The following DNAAF11 variants were observed in gnomAD, a reference collection of about 807,000 sequenced individuals.
The protein encoded by DNAAF11 is dynein axonemal assembly factor 11.
Under a neutral mutation model 60.8 loss-of-function variants are expected in DNAAF11, and 45 were observed. The observed-to-expected ratio is 0.74, with a 90% confidence interval of 0.58 to 0.95. The LOEUF (loss-of-function observed/expected upper bound fraction) is 0.95, where lower values mean the gene tolerates loss of function less well. DNAAF11 is among the 40% of genes least tolerant of loss of function. The pLI is 0.00. For missense variants in DNAAF11, 546 were observed against 546.2 expected (o/e 1.00, Z 0.00); for synonymous variants, 191 against 183.5 (o/e 1.04, Z -0.33).
At chr8:132,665,492 A>G (rs1824543986) in intron 1 of DNAAF11, among the ~76,000 whole-genome samples, 1 of 152,194 alleles carries the variant, frequency 6.6e-6, no homozygotes, top group Non-Finnish European at 1.5e-5. Flanking sequence ...ACTTTAAAAA[A>G]AAAAGCTCCA....
At chr8:132,664,089 A>G (rs141193651) in intron 1 of DNAAF11, among the ~76,000 whole-genome samples, 80 of 152,384 alleles carry the variant, frequency 5.2e-4, no homozygotes, top group African/African-American at 1.8e-3. Flanking sequence ...GTAAGAAGAC[A>G]TATTTTATTT....
intron 5 of DNAAF11, among the ~76,000 whole-genome samples, chr8:132,630,124 G>T (rs1325248359): frequency 1.3e-5 from 2 of 152,124 alleles, no homozygotes; most frequent in Non-Finnish European, 2.9e-5. Flanking sequence ...GGATTTTTAA[G>T]GAATTTGATT....
chr8:132,625,326 C>T lies in DNAAF11; in HGVS notation c.782G>A (p.Arg261Lys). ...NKPCLFTPESRLETLRHMEKQ... is the reference protein window; with the variant it reads ...NKPCLFTPESKLETLRHMEKQ... ...TTCCATGTGTCTAAGAGTTTCCAAT[C>T]TTGATTCAGGAGTAAACAAACAGGG... The change falls in exon 6 of 12, where the codon AGA (arginine) becomes AAA (lysine). Residue 261 changes from arginine to lysine, a missense_variant. Coordinates refer to ENST00000620350, the MANE Select transcript of DNAAF11 (RefSeq NM_012472.6). 1 of 1,612,984 alleles carries T rather than the reference C, an allele frequency of 6.2e-7. No homozygotes were observed.
intron 7 of DNAAF11, among the ~76,000 whole-genome samples, chr8:132,622,162 G>A (rs950809997): frequency 6.6e-6 from 1 of 152,116 alleles, no homozygotes; most frequent in African/African-American, 2.4e-5. Flanking sequence ...TAAATTCATT[G>A]AGGGTATTAT....
the DNAAF11 span, among the ~76,000 whole-genome samples, chr8:132,692,366 A>G: frequency 1.3e-5 from 2 of 152,294 alleles, no homozygotes; most frequent in African/African-American, 2.4e-5. Flanking sequence ...TAGTCATTCA[A>G]TTCCCCTGCT....
intron 2 of DNAAF11, among the ~76,000 whole-genome samples, chr8:132,658,542 C>T (rs1315488886): frequency 6.6e-6 from 1 of 152,216 alleles, no homozygotes; most frequent in African/African-American, 2.4e-5. Context: ...AGGATGGTCT[C>T]GATCTCCTGA....
intron 10 of DNAAF11, among the ~76,000 whole-genome samples, chr8:132,585,872 T>C (rs1355643346): frequency 6.6e-6 from 1 of 152,220 alleles, no homozygotes; most frequent in Non-Finnish European, 1.5e-5. Context: ...TTTGGCAGGG[T>C]ATGAATGTCT....
At chr8:132,585,344 C>A (rs1454115245) in intron 10 of DNAAF11, among the ~76,000 whole-genome samples, 4 of 152,162 alleles carry the variant, frequency 2.6e-5, no homozygotes, top group Non-Finnish European at 5.9e-5. Flanking sequence ...TGATGCCATG[C>A]AGCTCCCTTT....
chr8:132,636,843 A>G (rs1485201372), intron 4 of DNAAF11, among the ~76,000 whole-genome samples: 1 of 152,232 alleles, frequency 6.6e-6, no homozygotes, highest in African/African-American at 2.4e-5. Flanking sequence ...GAGAAATTTT[A>G]CATTAGAAGA....
intron 10 of DNAAF11, among the ~76,000 whole-genome samples, chr8:132,609,176 C>T (rs1262670811): frequency 6.6e-6 from 1 of 151,924 alleles, no homozygotes; most frequent in Non-Finnish European, 1.5e-5. Context: ...TCCAGGACAT[C>T]CCTTGAACAC....
intron 3 of DNAAF11, among the ~76,000 whole-genome samples, chr8:132,640,010 C>T (rs1232219911): frequency 1.3e-5 from 2 of 152,156 alleles, no homozygotes; most frequent in African/African-American, 2.4e-5. Flanking sequence ...CTACCCTAAA[C>T]CTATATTCAT....
intron 10 of DNAAF11, among the ~76,000 whole-genome samples, chr8:132,603,466 T>TTAAATATGGAG (rs1221533103): frequency 6.6e-6 from 1 of 151,890 alleles, no homozygotes; most frequent in Non-Finnish European, 1.5e-5. Context: ...GAGCAAGGAT[T>TTAAATATGGAG]TAAATATGGA....
intron 7 of DNAAF11, among the ~76,000 whole-genome samples, chr8:132,616,045 T>C (rs1428880493): frequency 6.6e-6 from 1 of 152,076 alleles, no homozygotes; most frequent in Non-Finnish European, 1.5e-5. Context: ...TCAGGAGCCT[T>C]TTTATATGCT....
chr8:132,693,364 G>C, the DNAAF11 span, among the ~76,000 whole-genome samples: 2 of 152,160 alleles, frequency 1.3e-5, no homozygotes, highest in East Asian at 3.9e-4. Flanking sequence ...ATACATACAT[G>C]TGTATGTGCA....
chr8:132,672,464 G>T (rs923347954), intron 1 of DNAAF11, among the ~76,000 whole-genome samples: 2 of 152,114 alleles, frequency 1.3e-5, no homozygotes, highest in East Asian at 3.9e-4. Context: ...TCACCAAACT[G>T]TCTCTTACTC....
At chr8:132,661,271 A>C (rs1191577774) in intron 2 of DNAAF11, among the ~76,000 whole-genome samples, 189 bp downstream of exon 2, 1 of 152,118 alleles carries the variant, frequency 6.6e-6, no homozygotes, top group African/African-American at 2.4e-5. Context: ...TCCTTGCTGG[A>C]AATTGTTTTC....
chr8:132,674,166 AAGG>A (rs1341983717), intron 1 of DNAAF11, among the ~76,000 whole-genome samples: 13 of 44,328 alleles, frequency 2.9e-4, no homozygotes, highest in African/African-American at 5.6e-4. Flanking sequence ...GGAGAAGGAG[AAGG>A]AGGAGGAGGA....
intron 10 of DNAAF11, among the ~76,000 whole-genome samples, chr8:132,593,796 A>G (rs1011017736): frequency 6.6e-6 from 1 of 152,112 alleles, no homozygotes; most frequent in Non-Finnish European, 1.5e-5. Flanking sequence ...GAAGCAACTC[A>G]ATGGGAAAGT....
chr8:132,620,936 T>A lies in DNAAF11; in HGVS notation c.914+1675A>T, dbSNP rs568111331. Among the ~76,000 whole-genome samples, 6 of 152,298 alleles carry A rather than the reference T, an allele frequency of 3.9e-5. No homozygotes were observed. In the South Asian group the frequency reaches 1.2e-3, roughly 32 times the overall value. The stretch of plus-strand genomic sequence containing the variant: ...GTTGGGGAACTGAGAGGCCAGGGCT[T>A]CTGGTGGATCACCTACATGTTTGAT... On this transcript the variant is annotated intron_variant, in intron 7 of 11. Transcript: ENST00000620350.
Sources: gnomAD v4.1 joint callset for allele counts (sites outside exome capture counted in the v4.1 genomes callset) on GRCh38, gnomAD v4.1.1 for gene constraint, MANE v1.5 for transcripts, NCBI Gene and HGNC (gene_info 2026-07-23, HGNC 2026-07-21) for gene names.